BRF1: variants seen among roughly 807,000 people sequenced by gnomAD.
The protein encoded by BRF1 is BRF1 general transcription factor IIIB subunit.
BRF1 carries 59 observed loss-of-function variants against 81.7 expected under a neutral mutation model. The ratio of observed to expected loss-of-function variants is 0.72; its 90% confidence interval spans 0.59 to 0.90. BRF1 has a LOEUF of 0.90. BRF1 is among the 40% of genes least tolerant of loss of function. The pLI is 0.00. For missense variants in BRF1, 1,050 were observed against 936.3 expected, an observed-to-expected ratio of 1.12 and a Z score of -1.58; for synonymous variants, 491 against 395.6, an observed-to-expected ratio of 1.24 and a Z score of -2.86.
At chr14:105,258,741 G>A (rs999263990) in intron 3 of BRF1, among the ~76,000 whole-genome samples, 2 of 151,932 alleles carry the variant, frequency 1.3e-5, no homozygotes, top group Admixed American at 6.6e-5. Flanking sequence ...AGAAGTTGCA[G>A]TAAGCAAATA....
intron 1 of BRF1, among the ~76,000 whole-genome samples, chr14:105,308,020 C>T (rs2058239886): frequency 6.6e-6 from 1 of 151,656 alleles, no homozygotes. Context: ...CCTGTCTCTA[C>T]AAAAAATTTA....
At chr14:105,229,528 G>C (rs902489960) in intron 6 of BRF1, among the ~76,000 whole-genome samples, 2 of 152,228 alleles carry the variant, frequency 1.3e-5, no homozygotes, top group African/African-American at 2.4e-5. Flanking sequence ...TGGGGTAGTT[G>C]ACCAGGCCAC....
At chr14:105,292,235 G>A (rs1403320514) in intron 1 of BRF1, among the ~76,000 whole-genome samples, 2 of 152,044 alleles carry the variant, frequency 1.3e-5, no homozygotes, top group African/African-American at 2.4e-5. Context: ...CCAGGCTGGA[G>A]TGTAATGGCA....
Position 105,241,321 on chromosome 14 carries a change from C to G in BRF1, c.638G>C (p.Arg213Thr), listed in dbSNP as rs368844889. ...TGTGTGCATCCAGTCCCGCTTCATC[C>G]TCTGTAGGAGCCTCAGGGCAGTCAT... ...VSMTALRLLQ[R>T]MKRDWMHTGR... The change falls in exon 6 of 18, where the codon AGG becomes ACG. Residue 213 changes from arginine to threonine, a missense_variant. Coordinates refer to ENST00000547530, the MANE Select transcript of BRF1 (RefSeq NM_001519.4). The G allele has an allele frequency of 2.5e-6, 4 of 1,612,634 alleles. No homozygotes were observed. In the Admixed American group the frequency reaches 5.0e-5, roughly 20 times the overall value.
chr14:105,244,762 G>T (rs56828582), intron 5 of BRF1, among the ~76,000 whole-genome samples: 1 of 152,026 alleles, frequency 6.6e-6, no homozygotes, highest in South Asian at 2.1e-4. Flanking sequence ...ACTAAGGGAC[G>T]ACTTAAGACA....
chr14:105,299,985 C>T (rs587640131), intron 1 of BRF1, among the ~76,000 whole-genome samples: 1 of 152,368 alleles, frequency 6.6e-6, no homozygotes, highest in South Asian at 2.1e-4. Context: ...CATCCCCAGC[C>T]CGCAATACTG....
At chr14:105,290,327 G>C (rs941446050) in intron 1 of BRF1, among the ~76,000 whole-genome samples, 1 of 152,170 alleles carries the variant, frequency 6.6e-6, no homozygotes, top group Non-Finnish European at 1.5e-5. Context: ...GCTGAAGCGG[G>C]AGAATCACTT....
At chr14:105,286,161 G>T in intron 2 of BRF1, 135 bp downstream of exon 2, 1 of 1,005,988 alleles carries the variant, frequency 9.9e-7, no homozygotes, top group Non-Finnish European at 1.5e-6. Context: ...AAAGCAGCCT[G>T]GGCTGGGCGT....
rs1000636615 is a variant in BRF1, at chr14:105,241,573, A to G, written c.545-159T>C. 9 of 938,788 alleles carry G rather than the reference A, an allele frequency of 9.6e-6. No individual in the cohort carries two copies. The African/African-American group carries it at 1.3e-4, about 14-fold the overall frequency. 58.2% of individuals were successfully genotyped at this position (938,788 alleles called of 1,614,324 possible). A position where few individuals can be genotyped will look rare whatever the true frequency, so the allele number is the denominator to read the frequency against. ...CCTGGACAAAGCCTCTCTGACCCTCAGCTAGGGCAGCCATCGCACCGAACC... is the reference window on the plus strand; with the variant it reads ...CCTGGACAAAGCCTCTCTGACCCTCGGCTAGGGCAGCCATCGCACCGAACC... On this transcript the variant is annotated intron_variant, in intron 5 of 17. Coordinates refer to ENST00000547530, the MANE Select transcript of BRF1 (RefSeq NM_001519.4).
intron 5 of BRF1, chr14:105,249,074 G>C (rs966237274): frequency 7.3e-7 from 1 of 1,370,520 alleles, no homozygotes; most frequent in African/African-American, 1.5e-5. Flanking sequence ...GCCGCCCCAC[G>C]CTGCGCGAGA....
Position 105,271,816 on chromosome 14 carries a change from T to A in BRF1, c.439+905A>T, listed in dbSNP as rs113556688. On this transcript the variant is annotated intron_variant, in intron 3 of 17. Coordinates refer to ENST00000547530, the MANE Select transcript of BRF1 (RefSeq NM_001519.4). This position sits in a 1 kb window ranked among gnomAD's most constrained non-coding sequence, Gnocchi z 5.5. ...ACTGGATCTCCACGCAAGGCCAAGC[T>A]GCACACCGCTGAGGGTCGGCAGCCT... Among the ~76,000 whole-genome samples the A allele has an allele frequency of 1.3e-5, 2 of 152,140 alleles. No individual in the cohort carries two copies. Among genetic ancestry groups the A allele is most frequent in the Non-Finnish European group, 2.9e-5 (2 of 67,934 alleles).
rs370650667 is a variant in BRF1 at position 105,259,825 on chromosome 14, G to A, written c.440-3276C>T. On this transcript the variant is annotated intron_variant, in intron 3 of 17. Coordinates refer to ENST00000547530, the MANE Select transcript of BRF1 (RefSeq NM_001519.4). ...CTTGAGAGGCTAAGGCATTAGAATC[G>A]CTTGAACCCAGGAGACAGAGGTTGC... is the stretch of plus-strand genomic sequence containing the variant. Among the ~76,000 whole-genome samples the A allele has an allele frequency of 2.4e-4, 37 of 152,248 alleles. No individual in the cohort carries two copies. The South Asian group carries it at 4.8e-3, about 20-fold the overall frequency.
At chr14:105,282,007 C>A (rs902986302) in intron 2 of BRF1, among the ~76,000 whole-genome samples, 11 of 152,124 alleles carry the variant, frequency 7.2e-5, no homozygotes, top group Non-Finnish European at 1.3e-4. Context: ...ATGAAGAGAG[C>A]CCCACCTAGC....
intron 1 of BRF1, chr14:105,314,831 G>GCCGCCCTCCGCGCGCCCGGC (rs908607339): frequency 1.4e-5 from 6 of 429,652 alleles, no homozygotes; most frequent in Non-Finnish European, 1.8e-5. Context: ...TGACCGCGCC[G>GCCGCCCTCCGCGCGCCCGGC]CCGCCCTCCG....
At chr14:105,219,763 CCCT>C in intron 12 of BRF1, 1 of 503,412 alleles carries the variant, frequency 2.0e-6, no homozygotes, top group South Asian at 2.4e-5. Context: ...GTCTAGAGAC[CCCT>C]CGAGGGGCTG....
chr14:105,241,518 G>C, intron 5 of BRF1, 104 bp from the exon 6 acceptor site: 3 of 1,410,560 alleles, frequency 2.1e-6, no homozygotes, highest in African/African-American at 2.8e-5. Flanking sequence ...TGTCTTTCCA[G>C]GCCCCCAGGC....
intron 2 of BRF1, among the ~76,000 whole-genome samples, chr14:105,285,635 C>T (rs963219631): frequency 5.3e-5 from 8 of 152,114 alleles, no homozygotes; most frequent in Non-Finnish European, 7.4e-5. Flanking sequence ...AAAAGCACAG[C>T]CATCAAGAGA....
At chr14:105,250,119 T>A in intron 5 of BRF1, 1 of 1,612,932 alleles carries the variant, frequency 6.2e-7, no homozygotes, top group Non-Finnish European at 8.5e-7. Flanking sequence ...CAGTCAGACA[T>A]CCTGACTCTG....
At position 105,307,207 on chromosome 14, in the gene BRF1, C is replaced by T. The variant is rs1453487774; in HGVS notation, c.-162+8115G>A. On this transcript the variant is annotated intron_variant, in intron 1 of 17. Coordinates refer to the BRF1 transcript ENST00000327359. Reference sequence around the variant, plus strand: ...TCCCAGGCTTGAGCCACCGTGCAGGCTGAGCATACCTTTGATATGCAGAGC... The same window carrying T: ...TCCCAGGCTTGAGCCACCGTGCAGGTTGAGCATACCTTTGATATGCAGAGC... Among the ~76,000 whole-genome samples the T allele has an allele frequency of 2.6e-5, 4 of 152,026 alleles. No individual in the cohort carries two copies. In the East Asian group the frequency reaches 7.7e-4, roughly 29 times the overall value.
Sources: allele counts gnomAD v4.1 joint callset (sites outside exome capture counted in the v4.1 genomes callset), GRCh38; gene constraint gnomAD v4.1.1; non-coding constraint Gnocchi (gnomAD v3.1); transcripts MANE v1.5; gene names NCBI Gene and HGNC (gene_info 2026-07-23, HGNC 2026-07-21).